The following POFUT3 variants were observed in gnomAD, a reference collection of about 807,000 sequenced individuals.
POFUT3 encodes GDP-fucose protein O-fucosyltransferase 3.
At chr8:33,348,968 T>C in the POFUT3 span, among the ~76,000 whole-genome samples, 1 of 152,220 alleles carries the variant, frequency 6.6e-6, no homozygotes, top group African/African-American at 2.4e-5. Flanking sequence ...ATAAGCAGCA[T>C]ATAAAGGTTA....
chr8:33,399,337 G>A, the POFUT3 span, among the ~76,000 whole-genome samples: 1 of 152,010 alleles, frequency 6.6e-6, no homozygotes, highest in Non-Finnish European at 1.5e-5. Context: ...TTAACTCAGG[G>A]CAAAAAAGAA....
At chr8:33,328,799 T>C in the POFUT3 span, among the ~76,000 whole-genome samples, 1 of 152,032 alleles carries the variant, frequency 6.6e-6, no homozygotes, top group African/African-American at 2.4e-5. Context: ...CACCCAAATC[T>C]GTAAAGGCAA....
chr8:33,424,244 C>G, the POFUT3 span, among the ~76,000 whole-genome samples: 1 of 152,124 alleles, frequency 6.6e-6, no homozygotes, highest in Admixed American at 6.5e-5. Flanking sequence ...CTGTAACTCT[C>G]TCAGCCATGA....
chr8:33,448,159 A>G, the POFUT3 span, among the ~76,000 whole-genome samples: 2 of 151,908 alleles, frequency 1.3e-5, no homozygotes, highest in African/African-American at 4.8e-5. Context: ...GGACAACATT[A>G]TGAGACCCCC....
chr8:33,469,254 C>T, the POFUT3 span, among the ~76,000 whole-genome samples: 5 of 151,990 alleles, frequency 3.3e-5, no homozygotes, highest in Non-Finnish European at 5.9e-5. Flanking sequence ...TGCAATGAGC[C>T]GAGATCGCGC....
At chr8:33,367,147 G>A in the POFUT3 span, among the ~76,000 whole-genome samples, 7 of 152,126 alleles carry the variant, frequency 4.6e-5, no homozygotes, top group Non-Finnish European at 7.4e-5. Flanking sequence ...TAAACTGGCC[G>A]CAAAACTGGC....
At chr8:33,390,128 G>A in the POFUT3 span, among the ~76,000 whole-genome samples, 2 of 152,102 alleles carry the variant, frequency 1.3e-5, no homozygotes. Context: ...CCCGGGAGGT[G>A]AAGATTGAGC....
At chr8:33,400,043 G>T in the POFUT3 span, among the ~76,000 whole-genome samples, 5 of 149,702 alleles carry the variant, frequency 3.3e-5, no homozygotes, top group Non-Finnish European at 7.4e-5. Flanking sequence ...GTGAACAAAA[G>T]ATTATATGGG....
At chr8:33,471,210 C>G in the POFUT3 span, among the ~76,000 whole-genome samples, 1 of 151,898 alleles carries the variant, frequency 6.6e-6, no homozygotes, top group Non-Finnish European at 1.5e-5. Context: ...TCTTTACATT[C>G]CGAGGTTGGT....
At chr8:33,380,064 A>G in the POFUT3 span, among the ~76,000 whole-genome samples, 27 of 54,928 alleles carry the variant, frequency 4.9e-4, no homozygotes, top group Non-Finnish European at 7.3e-4. Context: ...ATATATATAC[A>G]CTATATATAT....
chr8:33,372,144 G>A, the POFUT3 span: 372 of 988,804 alleles, frequency 3.8e-4, 1 homozygote, highest in African/African-American at 6.2e-3. Context: ...ATCTCTCATT[G>A]CCAAGTTCTA....
the POFUT3 span, among the ~76,000 whole-genome samples, chr8:33,447,910 G>T: frequency 6.6e-6 from 1 of 152,136 alleles, no homozygotes; most frequent in Admixed American, 6.6e-5. Flanking sequence ...AGAAGAGTGT[G>T]TTGTCTTCAT....
chr8:33,439,181 G>A, the POFUT3 span, among the ~76,000 whole-genome samples: 58 of 152,252 alleles, frequency 3.8e-4, no homozygotes, highest in Non-Finnish European at 6.9e-4. Context: ...AAGGTGGGTG[G>A]ATCAGTTCAG....
At chr8:33,403,294 G>C in the POFUT3 span, among the ~76,000 whole-genome samples, 1 of 148,984 alleles carries the variant, frequency 6.7e-6, no homozygotes. Flanking sequence ...GTGTGTATGA[G>C]AGACAGTGTG....
chr8:33,344,819 A>G, the POFUT3 span, among the ~76,000 whole-genome samples: 1 of 152,230 alleles, frequency 6.6e-6, no homozygotes, highest in Admixed American at 6.5e-5. Flanking sequence ...TTTAAGAGGC[A>G]ACTTGCCGAA....
the POFUT3 span, among the ~76,000 whole-genome samples, chr8:33,449,233 A>C: frequency 3.4e-5 from 5 of 146,394 alleles, no homozygotes. Flanking sequence ...GCTTTATCTG[A>C]TGGAGAGGAA....
the POFUT3 span, among the ~76,000 whole-genome samples, chr8:33,434,118 G>A: frequency 1.3e-5 from 2 of 150,880 alleles, no homozygotes; most frequent in Non-Finnish European, 3.0e-5. Context: ...AAAATTAGCT[G>A]AGTGTGGTGG....
chr8:33,445,238 C>T, the POFUT3 span, among the ~76,000 whole-genome samples: 3 of 151,982 alleles, frequency 2.0e-5, no homozygotes, highest in Non-Finnish European at 4.4e-5. Context: ...CTAGCCATGA[C>T]CTTCATTTTT....
the POFUT3 span, among the ~76,000 whole-genome samples, chr8:33,468,668 A>G: frequency 3.3e-5 from 5 of 151,808 alleles, no homozygotes; most frequent in Non-Finnish European, 5.9e-5. Context: ...ACACCTCAAT[A>G]CTCCTCATTC....
Sources: allele counts gnomAD v4.1 joint callset (sites outside exome capture counted in the v4.1 genomes callset), GRCh38; gene constraint gnomAD v4.1.1; transcripts MANE v1.5; gene names NCBI Gene and HGNC (gene_info 2026-07-23, HGNC 2026-07-21).